Variants in GRM3 observed in about 807,000 individuals in gnomAD.
GRM3 encodes the protein metabotropic glutamate receptor 3.
GRM3 carries 26 observed loss-of-function variants against 70.5 expected under a neutral mutation model. The observed-to-expected ratio is 0.37, with a 90% confidence interval of 0.27 to 0.51. The LOEUF is 0.51. Ranked by LOEUF, GRM3 falls within the 20% of genes least tolerant of loss-of-function variation. GRM3 has a pLI of 0.93. For missense variants in GRM3, 859 were observed against 1,123.8 expected (o/e 0.76, Z 3.37); for synonymous variants, 443 against 434.9 (o/e 1.02, Z -0.23).
Position 86,644,850 on chromosome 7 carries a change from C to G in GRM3, c.-163C>G. ...CTGCCACCGCGGTCAGCTCCAGTTCCTGCCAGGAGTTGTCGGTGCGAGGTA... is the reference window on the plus strand; with the variant it reads ...CTGCCACCGCGGTCAGCTCCAGTTCGTGCCAGGAGTTGTCGGTGCGAGGTA... On this transcript the variant is annotated 5_prime_UTR_variant, in exon 1 of 6. Coordinates refer to ENST00000361669, the MANE Select transcript of GRM3 (RefSeq NM_000840.3). 1 of 1,289,400 alleles carries G rather than the reference C, an allele frequency of 7.8e-7. No individual in the cohort carries two copies. The highest frequency in any genetic ancestry group is 1.0e-6 in the Non-Finnish European group (1 of 988,544). 79.9% of individuals were successfully genotyped at this position (1,289,400 alleles called of 1,614,324 possible).
intron 5 of GRM3, 23 bp from the exon 6 acceptor site, chr7:86,864,259 T>C: frequency 2.3e-6 from 3 of 1,291,616 alleles, no homozygotes; most frequent in Non-Finnish European, 3.4e-6. Flanking sequence ...ACTTTGAGTT[T>C]TCTGTCCCAC....
At chr7:86,729,444 G>GA (rs1298622050) in intron 1 of GRM3, among the ~76,000 whole-genome samples, 2 of 152,094 alleles carry the variant, frequency 1.3e-5, no homozygotes, top group Non-Finnish European at 2.9e-5. Context: ...ATTAATAGCA[G>GA]AAAAATATTT....
chr7:86,751,940 T>C (rs1202833691), intron 1 of GRM3, among the ~76,000 whole-genome samples: 2 of 152,136 alleles, frequency 1.3e-5, no homozygotes, highest in East Asian at 1.9e-4. Context: ...TTATATACTG[T>C]CATTTTTAAA....
Position 86,694,321 on chromosome 7 carries a change from C to T in GRM3, c.-141+49449C>T, listed in dbSNP as rs1006128562. Among the ~76,000 whole-genome samples, 3 of 151,740 alleles carry T rather than the reference C, an allele frequency of 2.0e-5. No individual in the cohort carries two copies. In the South Asian group the frequency reaches 6.2e-4, roughly 32 times the overall value. On this transcript the variant is annotated intron_variant, in intron 1 of 5. Coordinates refer to ENST00000361669, the MANE Select transcript of GRM3 (RefSeq NM_000840.3). ...CGGGCAGATCACGAGGTCAGGAGATCAGACCACGGTGAAACCCTGTCTCTA... is the reference window on the plus strand; with the variant it reads ...CGGGCAGATCACGAGGTCAGGAGATTAGACCACGGTGAAACCCTGTCTCTA...
At chr7:86,694,926 G>A (rs1283661373) in intron 1 of GRM3, among the ~76,000 whole-genome samples, 1 of 152,136 alleles carries the variant, frequency 6.6e-6, no homozygotes, top group South Asian at 2.1e-4. Context: ...TCTTTTCAGA[G>A]CACTTCTGTT....
At chr7:86,796,770 G>C (rs1027667875) in intron 3 of GRM3, among the ~76,000 whole-genome samples, 2 of 152,018 alleles carry the variant, frequency 1.3e-5, no homozygotes, top group Admixed American at 6.6e-5. Flanking sequence ...ATACGGTTTG[G>C]CTGTGTCCCC....
At position 86,757,666 on chromosome 7, in the gene GRM3, A is replaced by C. The variant is rs185186589; in HGVS notation, c.-140-7340A>C. On this transcript the variant is annotated intron_variant, in intron 1 of 5. Transcript: ENST00000361669. ...ACTTTAGCAGCTTAGAATTCTATTA[A>C]ATAATCCCTGCCTCCTCAAGTCAGA... Among the ~76,000 whole-genome samples the C allele has an allele frequency of 8.5e-5, 13 of 152,254 alleles. No homozygotes were observed. In the East Asian group the frequency reaches 2.1e-3, roughly 25 times the overall value.
intron 1 of GRM3, among the ~76,000 whole-genome samples, chr7:86,742,171 G>A (rs1237964891): frequency 3.3e-5 from 5 of 152,148 alleles, no homozygotes; most frequent in Non-Finnish European, 7.4e-5. Context: ...GCTAGTGCAT[G>A]TGCCTCTCTA....
intron 1 of GRM3, among the ~76,000 whole-genome samples, chr7:86,683,658 G>C (rs540403478): frequency 6.6e-6 from 1 of 152,110 alleles, no homozygotes; most frequent in African/African-American, 2.4e-5. Context: ...AAAAGCCCCT[G>C]CTATGTCACA....
At chr7:86,745,636 T>G (rs1562846254) in intron 1 of GRM3, among the ~76,000 whole-genome samples, 1 of 152,082 alleles carries the variant, frequency 6.6e-6, no homozygotes, top group African/African-American at 2.4e-5. Context: ...GAAATTGGGC[T>G]TTGGGCTTTT....
At chr7:86,679,885 G>T (rs971555215) in intron 1 of GRM3, among the ~76,000 whole-genome samples, 2 of 152,066 alleles carry the variant, frequency 1.3e-5, no homozygotes, top group African/African-American at 4.8e-5. Flanking sequence ...TCAGAGCCAT[G>T]AATTTAAATA....
intron 5 of GRM3, among the ~76,000 whole-genome samples, chr7:86,855,398 C>T (rs1798827472): frequency 6.6e-6 from 1 of 152,106 alleles, no homozygotes; most frequent in Admixed American, 6.5e-5. Flanking sequence ...CTATTATACC[C>T]AGACTTGGTC....
At chr7:86,689,666 A>G (rs1205027690) in intron 1 of GRM3, among the ~76,000 whole-genome samples, 1 of 152,136 alleles carries the variant, frequency 6.6e-6, no homozygotes, top group African/African-American at 2.4e-5. Flanking sequence ...ACTGGCCAAT[A>G]AGAATGTGAA....
intron 4 of GRM3, 138 bp from the exon 5 acceptor site, chr7:86,850,232 G>A (rs1385013062): frequency 3.3e-6 from 2 of 608,980 alleles, no homozygotes; most frequent in Non-Finnish European, 2.9e-6. Flanking sequence ...TATAATTACT[G>A]TATTGATTTG....
intron 1 of GRM3, among the ~76,000 whole-genome samples, chr7:86,727,537 C>T (rs1011378035): frequency 5.3e-5 from 8 of 152,182 alleles, no homozygotes; most frequent in Non-Finnish European, 1.0e-4. Context: ...ATCTTATTCA[C>T]TAGACAGTAA....
intron 3 of GRM3, among the ~76,000 whole-genome samples, chr7:86,794,161 GA>G (rs1192856089): frequency 5.3e-5 from 8 of 151,976 alleles, no homozygotes; most frequent in Admixed American, 5.2e-4. Flanking sequence ...ATCCCAACAA[GA>G]ACATAGTCTT....
intron 1 of GRM3, among the ~76,000 whole-genome samples, chr7:86,761,401 C>A (rs939751824): frequency 6.6e-6 from 1 of 152,100 alleles, no homozygotes; most frequent in African/African-American, 2.4e-5. Flanking sequence ...AGTATTTTTT[C>A]TTGCATGATA....
At chr7:86,785,995 T>C (rs142395767) in intron 2 of GRM3, 16 of 423,038 alleles carry the variant, frequency 3.8e-5, no homozygotes, top group African/African-American at 3.2e-4. Flanking sequence ...GCACAGAGTA[T>C]AGAAGAGAGT....
At chr7:86,733,822 A>AT in intron 1 of GRM3, among the ~76,000 whole-genome samples, 1 of 152,220 alleles carries the variant, frequency 6.6e-6, no homozygotes, top group South Asian at 2.1e-4. Context: ...GGCACAGGCC[A>AT]TATGTACAGC....
Sources: gnomAD v4.1 joint callset for allele counts (sites outside exome capture counted in the v4.1 genomes callset) on GRCh38, gnomAD v4.1.1 for gene constraint, MANE v1.5 for transcripts, NCBI Gene and HGNC (gene_info 2026-07-23, HGNC 2026-07-21) for gene names.